HHIPL1: variants seen among roughly 807,000 people sequenced by gnomAD.
HHIPL1 encodes the protein HHIP like 1, also known as HHIP-like protein 1.
In HHIPL1, 43 loss-of-function variants were observed where a neutral mutation model predicts 61.8. The observed-to-expected ratio is 0.70, with a 90% CI of 0.55 to 0.90. HHIPL1 has a LOEUF of 0.90. HHIPL1 is among the 40% of genes least tolerant of loss of function. The pLI is 0.00. For synonymous variants in HHIPL1, 482 were observed against 515.8 expected, an observed-to-expected ratio of 0.93 and a Z score of 0.89; for missense variants, 1,056 against 1,157.7, an observed-to-expected ratio of 0.91 and a Z score of 1.28.
chr14:99,607,316 C>T, the HHIPL1 span, among the ~76,000 whole-genome samples: 1 of 152,080 alleles, frequency 6.6e-6, no homozygotes, highest in Non-Finnish European at 1.5e-5. Context: ...GCTTCTTAAG[C>T]CCCTTGGTCA....
intron 6 of HHIPL1, among the ~76,000 whole-genome samples, chr14:99,667,921 G>T (rs2056271791): frequency 6.6e-6 from 1 of 152,194 alleles, no homozygotes; most frequent in Non-Finnish European, 1.5e-5. Context: ...GGTGACAGGG[G>T]TGGCGCTGGG....
At chr14:99,653,008 G>T in intron 2 of HHIPL1, 138 bp downstream of exon 2, 1 of 859,738 alleles carries the variant, frequency 1.2e-6, no homozygotes, top group East Asian at 2.7e-5. Context: ...TTCATGCTTT[G>T]GGGCCTGGAG....
chr14:99,659,842 C>G, intron 4 of HHIPL1, 86 bp downstream of exon 4: 1 of 575,048 alleles, frequency 1.7e-6, no homozygotes, highest in Non-Finnish European at 2.4e-6. Flanking sequence ...CCCTCGGAGA[C>G]CGCACCCCCC....
the HHIPL1 span, chr14:99,604,755 C>G: frequency 6.6e-6 from 1 of 152,436 alleles, no homozygotes; most frequent in Admixed American, 6.5e-5. Flanking sequence ...CAAATACCCA[C>G]GATCCGGGCG....
Position 99,652,396 on chromosome 14 carries a change from C to T in HHIPL1, c.428C>T (p.Ala143Val). Residue 143 changes from alanine to valine, a missense_variant, in exon 2 of 9, where the codon GCC becomes GTC. Transcript: ENST00000330710. ...QELWALEGNL[A>V]RFCRYLSLDD... ...CTCTGGGCGCTGGAGGGCAACCTTG[C>T]CAGGTTCTGCCGCTACCTGTCCCTG... 3 of 1,614,220 alleles carry T rather than the reference C, an allele frequency of 1.9e-6. No homozygotes were observed. The highest frequency in any genetic ancestry group is 2.5e-6 in the Non-Finnish European group (3 of 1,180,048).
In HHIPL1 at chr14:99,678,962, G is replaced by T. The variant is rs557398447; in HGVS notation, c.*3336G>T. On this transcript the variant is annotated 3_prime_UTR_variant, in exon 9 of 9. Coordinates refer to ENST00000330710, the MANE Select transcript of HHIPL1 (RefSeq NM_001127258.3). Reference sequence around the variant, plus strand: ...CTACAACAGCTGACCTCTGCTGAGCGCTTACTACATGCCAAGCACTGCTCT... The same window carrying T: ...CTACAACAGCTGACCTCTGCTGAGCTCTTACTACATGCCAAGCACTGCTCT... 9 of 152,220 alleles carry T rather than the reference G, an allele frequency of 5.9e-5. No homozygotes were observed. Among genetic ancestry groups the T allele is most frequent in the Non-Finnish European group, 1.2e-4 (8 of 68,040 alleles). 9.4% of individuals were successfully genotyped at this position (152,220 alleles called of 1,614,324 possible). A position where few individuals can be genotyped will look rare whatever the true frequency, so the allele number is the denominator to read the frequency against.
At chr14:99,670,696 A>T (rs578050652) in intron 7 of HHIPL1, among the ~76,000 whole-genome samples, 1 of 152,100 alleles carries the variant, frequency 6.6e-6, no homozygotes, top group African/African-American at 2.4e-5. Context: ...GCCAGGATTT[A>T]TGTGGTTGTA....
chr14:99,627,195 CCCATCCAT>C, the HHIPL1 span, among the ~76,000 whole-genome samples: 86,262 of 147,382 alleles, frequency 0.59, 26,757 homozygotes, highest in South Asian at 0.74. This position sits in a 1 kb window ranked among gnomAD's most constrained non-coding sequence, Gnocchi z 4.4. Context: ...CTTCTATCTT[CCCATCCAT>C]CCATCCATCC....
chr14:99,674,787 C>CT (rs976762420), intron 8 of HHIPL1, among the ~76,000 whole-genome samples: 2 of 152,164 alleles, frequency 1.3e-5, no homozygotes, highest in Non-Finnish European at 1.5e-5. Flanking sequence ...GAAGGTGGGG[C>CT]TTGGGGTAGG....
At chr14:99,634,773 C>T in the HHIPL1 span, among the ~76,000 whole-genome samples, 8 of 152,270 alleles carry the variant, frequency 5.3e-5, no homozygotes, top group African/African-American at 1.4e-4. Context: ...GGTCAGGCAG[C>T]GATGGCAAGT....
the HHIPL1 span, among the ~76,000 whole-genome samples, chr14:99,617,147 A>T: frequency 6.6e-6 from 1 of 152,224 alleles, no homozygotes; most frequent in Admixed American, 6.5e-5. Context: ...TGAAAAATTA[A>T]GAAGAGACAC....
rs772764037 is a variant in HHIPL1 at position 99,652,844 on chromosome 14, G to A, written c.876G>A (p.Glu292=). ...AGTTCAGAGTCTCCGAGGATGACGAGAACGCCGTGGACCACAGCTCTGAGA... is the reference window on the plus strand; with the variant it reads ...AGTTCAGAGTCTCCGAGGATGACGAAAACGCCGTGGACCACAGCTCTGAGA... The part of the protein sequence containing the change: ...ISEFRVSEDD[E]NAVDHSSERI... The change falls in exon 2 of 9, where the codon GAG becomes GAA. Residue 292 remains glutamate (E), a synonymous_variant. Coordinates refer to ENST00000330710, the MANE Select transcript of HHIPL1 (RefSeq NM_001127258.3). 2 of 1,613,920 alleles carry A rather than the reference G, an allele frequency of 1.2e-6. No homozygotes were observed. Among genetic ancestry groups the A allele is most frequent in the Non-Finnish European group, 1.7e-6 (2 of 1,179,942 alleles).
chr14:99,670,204 C>T (rs569495340), intron 7 of HHIPL1, among the ~76,000 whole-genome samples: 72 of 152,130 alleles, frequency 4.7e-4, no homozygotes, highest in Non-Finnish European at 8.1e-4. Context: ...CTCTGCCTCC[C>T]GGGTTCAAGT....
intron 1 of HHIPL1, among the ~76,000 whole-genome samples, chr14:99,648,566 T>G (rs1474220196): frequency 6.6e-6 from 1 of 152,190 alleles, no homozygotes; most frequent in African/African-American, 2.4e-5. Context: ...GCTGACTGGC[T>G]GGAGCGCCCC....
chr14:99,641,155 G>T (rs542937010), upstream of HHIPL1, among the ~76,000 whole-genome samples: 32 of 151,956 alleles, frequency 2.1e-4, no homozygotes, highest in African/African-American at 7.7e-4. Context: ...CCAACGTGTT[G>T]GGATTACAGG....
At position 99,645,396 on chromosome 14, in the gene HHIPL1, G is replaced by A. The variant is rs1477453832; in HGVS notation, c.189G>A (p.Leu63=). The change falls in exon 1 of 9, where the codon CTG becomes CTA. Residue 63 remains leucine (L), a synonymous_variant. Coordinates refer to ENST00000330710, the MANE Select transcript of HHIPL1 (RefSeq NM_001127258.3). ...AGCTGACCCGCCGCTTCTGGGCCCT[G>A]GCGAGCCGCGTGGACGCCGCCGAGT... is the stretch of plus-strand genomic sequence containing the variant. ...DAELTRRFWA[L]ASRVDAAEWA... is the part of the protein sequence containing the mutation. 10 of 1,418,806 alleles carry A rather than the reference G, an allele frequency of 7.0e-6. No individual in the cohort carries two copies. Among genetic ancestry groups the A allele is most frequent in the Non-Finnish European group, 9.2e-6 (10 of 1,088,884 alleles). 87.9% of individuals were successfully genotyped at this position (1,418,806 alleles called of 1,614,324 possible). A position where few individuals can be genotyped will look rare whatever the true frequency, so the allele number is the denominator to read the frequency against.
In HHIPL1 at chr14:99,668,227, C is replaced by G; in HGVS notation, c.1654C>G (p.Leu552Val). The G allele has an allele frequency of 6.2e-7, 1 of 1,604,852 alleles. No homozygotes were observed. Among genetic ancestry groups the G allele is most frequent in the Non-Finnish European group, 8.5e-7 (1 of 1,171,626 alleles). The change falls in exon 7 of 9, where the codon CTG becomes GTG. Residue 552 changes from leucine to valine, a missense_variant. Transcript: ENST00000330710. This position sits in a 1 kb window ranked among gnomAD's most constrained non-coding sequence, Gnocchi z 4.7. ...ISFGEDEAGE[L>V]YFMSTGEPSA... ...TCACTTTGTTCTGTCCAAAGGGGAG[C>G]TGTACTTCATGTCGACAGGGGAGCC...
chr14:99,673,476 C>A (rs2056346676), intron 8 of HHIPL1, among the ~76,000 whole-genome samples: 1 of 137,940 alleles, frequency 7.2e-6, no homozygotes, highest in Non-Finnish European at 1.5e-5. Context: ...GAGGACCCAC[C>A]CAGAACAGTG....
chr14:99,623,352 T>C, the HHIPL1 span, among the ~76,000 whole-genome samples: 8 of 152,314 alleles, frequency 5.3e-5, no homozygotes, highest in South Asian at 4.1e-4. Context: ...GATTATGAAA[T>C]GAACTCAGCC....
Sources: allele counts gnomAD v4.1 joint callset (sites outside exome capture counted in the v4.1 genomes callset), GRCh38; gene constraint gnomAD v4.1.1; non-coding constraint Gnocchi (gnomAD v3.1); transcripts MANE v1.5; gene names NCBI Gene and HGNC (gene_info 2026-07-23, HGNC 2026-07-21).